The following SRBD1 variants were observed in gnomAD, a reference collection of about 807,000 sequenced individuals.
SRBD1 encodes the protein S1 RNA binding domain 1.
In SRBD1, 88 loss-of-function variants were observed where a neutral mutation model predicts 115.3. The observed-to-expected ratio is 0.76, with a 90% CI of 0.64 to 0.91. The LOEUF (loss-of-function observed/expected upper bound fraction) is 0.91. Among genes scored for constraint, SRBD1 ranks in the 40% least tolerant of loss-of-function variants. SRBD1 has a pLI of 0.00. For synonymous variants in SRBD1, 509 were observed against 407.7 expected (o/e 1.25, Z -2.99); for missense variants, 1,385 against 1,177.4 (o/e 1.18, Z -2.58).
intron 19 of SRBD1, among the ~76,000 whole-genome samples, chr2:45,407,219 T>C (rs1284643932): frequency 1.3e-5 from 2 of 152,152 alleles, no homozygotes; most frequent in Non-Finnish European, 2.9e-5. Context: ...TCTAACATGC[T>C]TGGTAATGAG....
intron 14 of SRBD1, among the ~76,000 whole-genome samples, chr2:45,519,237 G>A (rs1171491282): frequency 1.3e-5 from 2 of 152,128 alleles, no homozygotes; most frequent in Non-Finnish European, 2.9e-5. Flanking sequence ...TCCCAGAAAA[G>A]ACAAACAGTA....
In SRBD1 at chr2:45,443,589, C is replaced by T. The variant is rs543157815; in HGVS notation, c.2050-23695G>A. 1.2e-4 allele frequency among the ~76,000 whole-genome samples: 18 copies of T among 151,896 alleles called. No homozygotes were observed. The South Asian group carries it at 1.5e-3, about 12-fold the overall frequency. On this transcript the variant is annotated intron_variant, in intron 16 of 20. Transcript: ENST00000263736. ...GGAGTTTGGAGTTCAGGGACGAGAT[C>T]AATGGTGTTTAAGGTAGAAACTGTC...
intron 14 of SRBD1, among the ~76,000 whole-genome samples, chr2:45,519,645 T>G (rs1376064164): frequency 6.6e-6 from 1 of 152,184 alleles, no homozygotes; most frequent in Non-Finnish European, 1.5e-5. Flanking sequence ...AAAAGAAAAT[T>G]TTGTCCCTTC....
At chr2:45,531,823 C>A (rs551086818) in intron 14 of SRBD1, among the ~76,000 whole-genome samples, 1 of 151,904 alleles carries the variant, frequency 6.6e-6, no homozygotes, top group Admixed American at 6.6e-5. Context: ...TTTCTTCAGA[C>A]TCAGTTTCCC....
chr2:45,397,724 C>T (rs1475908508), intron 19 of SRBD1, among the ~76,000 whole-genome samples: 2 of 152,178 alleles, frequency 1.3e-5, no homozygotes, highest in African/African-American at 2.4e-5. Flanking sequence ...CTCCCTTGGC[C>T]TCCCAAGTAG....
chr2:45,610,747 A>G (rs1674420295), intron 1 of SRBD1, among the ~76,000 whole-genome samples: 1 of 152,146 alleles, frequency 6.6e-6, no homozygotes. Context: ...CCCACCTCCG[A>G]TAATTTTAGG....
At chr2:45,505,060 T>A (rs1670756497) in intron 14 of SRBD1, among the ~76,000 whole-genome samples, 1 of 149,246 alleles carries the variant, frequency 6.7e-6, no homozygotes, top group African/African-American at 2.5e-5. Context: ...CACAACCGAG[T>A]CTTCTACACA....
At chr2:45,442,492 G>C (rs1000394455) in intron 16 of SRBD1, among the ~76,000 whole-genome samples, 1 of 152,136 alleles carries the variant, frequency 6.6e-6, no homozygotes, top group Non-Finnish European at 1.5e-5. Flanking sequence ...CGTGGACAAC[G>C]GCTAGGTCAC....
intron 14 of SRBD1, among the ~76,000 whole-genome samples, chr2:45,506,742 T>C (rs979000065): frequency 3.3e-5 from 5 of 152,176 alleles, no homozygotes; most frequent in Non-Finnish European, 5.9e-5. Flanking sequence ...TACAGACCCA[T>C]AGTCATTTGA....
intron 19 of SRBD1, among the ~76,000 whole-genome samples, chr2:45,397,329 T>A (rs1252053656): frequency 6.6e-6 from 1 of 152,232 alleles, no homozygotes; most frequent in Non-Finnish European, 1.5e-5. Flanking sequence ...ATATATATGT[T>A]ACTCTATGTA....
intron 19 of SRBD1, among the ~76,000 whole-genome samples, chr2:45,397,318 C>CAT (rs1667174302): frequency 2.6e-5 from 4 of 152,112 alleles, no homozygotes; most frequent in Non-Finnish European, 1.5e-5. Context: ...CTCTATATAA[C>CAT]ATATATATGT....
chr2:45,434,546 A>C (rs1310391514), intron 16 of SRBD1, among the ~76,000 whole-genome samples: 1 of 152,176 alleles, frequency 6.6e-6, no homozygotes, highest in Non-Finnish European at 1.5e-5. Flanking sequence ...ACAGATAATA[A>C]TTTCATAAAT....
chr2:45,535,008 A>C (rs1439709810), intron 14 of SRBD1, among the ~76,000 whole-genome samples: 1 of 152,010 alleles, frequency 6.6e-6, no homozygotes. Flanking sequence ...ATCCTTATTA[A>C]AATTCATATT....
intron 16 of SRBD1, among the ~76,000 whole-genome samples, chr2:45,428,500 G>A (rs1021187787): frequency 1.3e-5 from 2 of 152,036 alleles, no homozygotes; most frequent in South Asian, 2.1e-4. Context: ...GCAGTGAGCC[G>A]AGACTGCGCC....
intron 10 of SRBD1, among the ~76,000 whole-genome samples, chr2:45,555,271 G>C (rs944983732): frequency 3.3e-5 from 5 of 152,150 alleles, no homozygotes; most frequent in African/African-American, 4.8e-5. Context: ...TGTAGTCCCT[G>C]CTACTTAGAA....
chr2:45,492,745 A>T (rs75408582), intron 14 of SRBD1, among the ~76,000 whole-genome samples: 7 of 148,600 alleles, frequency 4.7e-5, no homozygotes, highest in South Asian at 2.1e-4. Flanking sequence ...AGCCAAAACT[A>T]TTTTTTTTTT....
chr2:45,587,789 C>T (rs1409791368), intron 4 of SRBD1, among the ~76,000 whole-genome samples: 1 of 152,234 alleles, frequency 6.6e-6, no homozygotes, highest in South Asian at 2.1e-4. Context: ...CTCTCTTTCA[C>T]ATGAGCTCTA....
At chr2:45,408,029 T>C (rs1453656269) in intron 19 of SRBD1, among the ~76,000 whole-genome samples, 1 of 152,172 alleles carries the variant, frequency 6.6e-6, no homozygotes, top group Non-Finnish European at 1.5e-5. Context: ...TCATGTTACA[T>C]TTTGATGTAT....
chr2:45,488,576 T>C (rs974315168), intron 14 of SRBD1, among the ~76,000 whole-genome samples: 3 of 152,164 alleles, frequency 2.0e-5, no homozygotes, highest in African/African-American at 7.2e-5. Context: ...GAGAAATCAG[T>C]TGCTTTCTCT....
Sources: gnomAD v4.1 joint callset for allele counts (sites outside exome capture counted in the v4.1 genomes callset) on GRCh38, gnomAD v4.1.1 for gene constraint, MANE v1.5 for transcripts, NCBI Gene and HGNC (gene_info 2026-07-23, HGNC 2026-07-21) for gene names.